The following PARD3B variants were observed in gnomAD, a reference collection of about 807,000 sequenced individuals.
PARD3B encodes par-3 family cell polarity regulator beta, also known as partitioning defective 3 homolog B.
In PARD3B, 103 loss-of-function variants were observed where a neutral mutation model predicts 130.2. That is an observed-to-expected ratio of 0.79 (90% CI 0.67 to 0.93). PARD3B has a LOEUF of 0.93. Among genes scored for constraint, PARD3B ranks in the 40% least tolerant of loss-of-function variants. The pLI is 0.00. For missense variants in PARD3B, 1,609 were observed against 1,499.2 expected (o/e 1.07, Z -1.21); for synonymous variants, 583 against 553.2 (o/e 1.05, Z -0.76).
intron 1 of PARD3B, among the ~76,000 whole-genome samples, chr2:204,684,343 A>G (rs2036977872): frequency 2.0e-5 from 3 of 152,206 alleles, no homozygotes; most frequent in Admixed American, 1.3e-4. Flanking sequence ...GATTTCATCT[A>G]CAGAGCTAGG....
At chr2:205,542,059 C>G (rs929915022) in intron 21 of PARD3B, among the ~76,000 whole-genome samples, 1 of 139,000 alleles carries the variant, frequency 7.2e-6, no homozygotes, top group African/African-American at 2.7e-5. Context: ...AGGAGAATAG[C>G]TTGAACCCAG....
chr2:205,354,026 C>CTTTTT (rs869308018), intron 18 of PARD3B, among the ~76,000 whole-genome samples: 35 of 50,348 alleles, frequency 7.0e-4, no homozygotes, highest in African/African-American at 1.3e-3. Context: ...TTTTCTTTTC[C>CTTTTT]TTTTTTTTTT....
At chr2:205,238,880 A>G (rs924474964) in intron 15 of PARD3B, among the ~76,000 whole-genome samples, 7 of 58,688 alleles carry the variant, frequency 1.2e-4, no homozygotes, top group Admixed American at 2.3e-4. Context: ...ATATATATGT[A>G]TGTGTGTATA....
At chr2:205,369,787 T>A (rs2044742079) in intron 18 of PARD3B, among the ~76,000 whole-genome samples, 1 of 152,214 alleles carries the variant, frequency 6.6e-6, no homozygotes, top group African/African-American at 2.4e-5. Context: ...GCTTAACTTT[T>A]ACATTCTTAC....
At chr2:204,970,377 G>A (rs1037590331) in intron 3 of PARD3B, among the ~76,000 whole-genome samples, 1 of 152,158 alleles carries the variant, frequency 6.6e-6, no homozygotes, top group African/African-American at 2.4e-5. Flanking sequence ...ACAAATTTGG[G>A]ACACATTCTA....
chr2:204,831,620 A>G (rs2125567650), intron 2 of PARD3B, among the ~76,000 whole-genome samples: 1 of 152,268 alleles, frequency 6.6e-6, no homozygotes, highest in Admixed American at 6.5e-5. Context: ...CCCAAACCAG[A>G]TCTATTGAAT....
At chr2:205,082,230 A>T (rs994862774) in intron 4 of PARD3B, among the ~76,000 whole-genome samples, 2 of 152,066 alleles carry the variant, frequency 1.3e-5, no homozygotes, top group Non-Finnish European at 2.9e-5. Flanking sequence ...CTTGACATTG[A>T]TACAGTAGTC....
chr2:205,438,112 G>A (rs1303375250), intron 19 of PARD3B, among the ~76,000 whole-genome samples: 2 of 151,656 alleles, frequency 1.3e-5, no homozygotes, highest in East Asian at 3.9e-4. Context: ...TATTTTACCT[G>A]TTGAATGATT....
chr2:204,583,665 G>A (rs1379636536), intron 1 of PARD3B, among the ~76,000 whole-genome samples: 1 of 147,590 alleles, frequency 6.8e-6, no homozygotes, highest in Non-Finnish European at 1.5e-5. Flanking sequence ...GTATACCTGT[G>A]ACATTTACTA....
chr2:205,145,861 T>G, intron 10 of PARD3B, among the ~76,000 whole-genome samples: 1 of 152,156 alleles, frequency 6.6e-6, no homozygotes, highest in Admixed American at 6.5e-5. Context: ...CCCAGATTTT[T>G]TCATCATAGA....
At chr2:204,920,231 A>G (rs2047616839) in intron 2 of PARD3B, among the ~76,000 whole-genome samples, 1 of 152,124 alleles carries the variant, frequency 6.6e-6, no homozygotes, top group African/African-American at 2.4e-5. Flanking sequence ...GGGTTAGTAA[A>G]TGTATACACT....
intron 2 of PARD3B, among the ~76,000 whole-genome samples, chr2:204,872,737 A>G (rs994156392): frequency 6.6e-6 from 1 of 152,250 alleles, no homozygotes. Flanking sequence ...GGGTAATTAT[A>G]TGAATAATTT....
chr2:205,012,602 T>A (rs1695805153), intron 3 of PARD3B, among the ~76,000 whole-genome samples: 1 of 152,190 alleles, frequency 6.6e-6, no homozygotes. Flanking sequence ...TTCTGAGGAT[T>A]TTAGATTTCT....
intron 19 of PARD3B, among the ~76,000 whole-genome samples, chr2:205,437,255 G>C (rs1238011248): frequency 6.6e-6 from 1 of 152,124 alleles, no homozygotes; most frequent in African/African-American, 2.4e-5. Flanking sequence ...TGTTCACATA[G>C]AGTTTCAGGG....
intron 22 of PARD3B, among the ~76,000 whole-genome samples, chr2:205,554,426 G>C (rs1040788973): frequency 6.6e-6 from 1 of 152,198 alleles, no homozygotes; most frequent in Non-Finnish European, 1.5e-5. Flanking sequence ...ATTTTCAAAA[G>C]TAATAAAATC....
In PARD3B at chr2:205,152,978, C is replaced by T. The variant is rs138246891; in HGVS notation, c.1435-5744C>T. ...CTTTTTGTTGATGTTGCTCCTATTCCGTTCTGTTTGTTGGTTTTCCTTCTA... is the reference window on the plus strand; with the variant it reads ...CTTTTTGTTGATGTTGCTCCTATTCTGTTCTGTTTGTTGGTTTTCCTTCTA... On this transcript the variant is annotated intron_variant, in intron 10 of 22. Transcript: ENST00000406610. Among the ~76,000 whole-genome samples, 801 of 152,246 alleles carry T rather than the reference C, an allele frequency of 5.3e-3. 1 individual carries two copies. Among genetic ancestry groups the T allele is most frequent in the Middle Eastern group, 0.01 (3 of 294 alleles).
intron 21 of PARD3B, among the ~76,000 whole-genome samples, chr2:205,538,790 A>G (rs775745748): frequency 1.3e-5 from 2 of 151,994 alleles, no homozygotes; most frequent in Non-Finnish European, 2.9e-5. Context: ...TTGTTTTTTT[A>G]TTTTGTTTTG....
At chr2:205,112,861 T>C (rs185169094) in intron 5 of PARD3B, among the ~76,000 whole-genome samples, 66 of 152,270 alleles carry the variant, frequency 4.3e-4, no homozygotes, top group Middle Eastern at 3.4e-3. Context: ...CAACCTCTTT[T>C]TCTACCTTTA....
intron 18 of PARD3B, among the ~76,000 whole-genome samples, chr2:205,369,987 G>C (rs2044749125): frequency 1.3e-5 from 2 of 152,124 alleles, no homozygotes; most frequent in Admixed American, 6.6e-5. Context: ...TCCTCCTAGA[G>C]ACTTTGTCCC....
Sources: allele counts gnomAD v4.1 joint callset (sites outside exome capture counted in the v4.1 genomes callset), GRCh38; gene constraint gnomAD v4.1.1; transcripts MANE v1.5; gene names NCBI Gene and HGNC (gene_info 2026-07-23, HGNC 2026-07-21).